Variants in SLC4A7 observed in about 807,000 individuals in gnomAD.
SLC4A7 encodes solute carrier family 4 member 7.
Under a neutral mutation model 137.6 loss-of-function variants are expected in SLC4A7, and 51 were observed. That is an observed-to-expected ratio of 0.37 (90% CI 0.30 to 0.47). The LOEUF is 0.47. Ranked by LOEUF, SLC4A7 falls within the 20% of genes least tolerant of loss-of-function variation. The pLI, the probability that SLC4A7 is intolerant of heterozygous loss-of-function variation, is 1.00. For synonymous variants in SLC4A7, 542 were observed against 518.6 expected (o/e 1.05, Z -0.61); for missense variants, 1,247 against 1,525.4 (o/e 0.82, Z 3.04).
At chr3:27,463,249 A>C (rs2058793573) in intron 1 of SLC4A7, among the ~76,000 whole-genome samples, 1 of 152,204 alleles carries the variant, frequency 6.6e-6, no homozygotes, top group Non-Finnish European at 1.5e-5. Context: ...AACACGGTGA[A>C]ACCCCGTCTC....
chr3:27,468,005 T>G (rs746352230), intron 1 of SLC4A7, among the ~76,000 whole-genome samples: 1 of 152,176 alleles, frequency 6.6e-6, no homozygotes, highest in Non-Finnish European at 1.5e-5. Context: ...TATATGTAAA[T>G]AAAATCCTCT....
chr3:27,398,518 A>T (rs1003861515), intron 16 of SLC4A7, among the ~76,000 whole-genome samples, 165 bp from the exon 17 acceptor site: 1 of 152,222 alleles, frequency 6.6e-6, no homozygotes, highest in African/African-American at 2.4e-5. Flanking sequence ...ACACACTAAC[A>T]ACTAATTGTA....
At chr3:27,446,083 G>C (rs2057604523) in intron 3 of SLC4A7, among the ~76,000 whole-genome samples, 1 of 146,688 alleles carries the variant, frequency 6.8e-6, no homozygotes, top group Admixed American at 6.9e-5. Context: ...TTAAGGATGT[G>C]TTAATTAACT....
chr3:27,401,006 A>T (rs1174509207), intron 15 of SLC4A7, 137 bp from the exon 16 acceptor site: 2 of 518,968 alleles, frequency 3.9e-6, no homozygotes, highest in Non-Finnish European at 6.8e-6. Context: ...GAAAGTGGAA[A>T]ATACATCAGA....
chr3:27,468,755 A>AT (rs1234039850), intron 1 of SLC4A7, among the ~76,000 whole-genome samples: 3 of 152,158 alleles, frequency 2.0e-5, no homozygotes, highest in Non-Finnish European at 4.4e-5. Flanking sequence ...AAATTAAACA[A>AT]GATGTTGCAT....
chr3:27,481,398 T>G (rs1376833454), intron 1 of SLC4A7, among the ~76,000 whole-genome samples: 2 of 151,852 alleles, frequency 1.3e-5, no homozygotes, highest in Non-Finnish European at 2.9e-5. Context: ...CACCAATCTA[T>G]TCAACATTTT....
At chr3:27,466,407 G>A (rs1428627414) in intron 1 of SLC4A7, among the ~76,000 whole-genome samples, 1 of 149,362 alleles carries the variant, frequency 6.7e-6, no homozygotes, top group East Asian at 2.0e-4. Flanking sequence ...AGCCGAGATC[G>A]CGCCACTGCA....
chr3:27,436,455 T>A lies in SLC4A7; in HGVS notation c.522A>T (p.Leu174=), dbSNP rs1243590676. Reference sequence around the variant, plus strand: ...CTGTTCCATTGAGGATGCAACTCCTTAGTTCAAAAAGACTGTGCAAAGAGA... The same window carrying A: ...CTGTTCCATTGAGGATGCAACTCCTAAGTTCAAAAAGACTGTGCAAAGAGA... ...ATLSLHSLFE[L]RSCILNGTVM... is the part of the protein sequence containing the mutation. Residue 174 remains leucine, a synonymous_variant, in exon 5 of 26, where the codon CTA becomes CTT. Transcript: ENST00000454389. 1.2e-6 allele frequency: 2 copies of A among 1,613,726 alleles called. No homozygotes were observed. Among genetic ancestry groups the A allele is most frequent in the Middle Eastern group, 1.7e-4 (1 of 6,060 alleles).
At position 27,444,227 on chromosome 3, in the gene SLC4A7, G is replaced by A. The variant is rs149384529; in HGVS notation, c.289+4424C>T. On this transcript the variant is annotated intron_variant, in intron 3 of 25. Transcript: ENST00000454389. ...TTTTATCATGTATTCTGCACCTGTT[G>A]TTATATGCATACACATTCAGGCTTA... is the stretch of plus-strand genomic sequence containing the variant. Among the ~76,000 whole-genome samples the A allele has an allele frequency of 2.6e-3, 402 of 152,186 alleles. 1 individual carries two copies. The highest frequency in any genetic ancestry group is 9.3e-3 in the African/African-American group (386 of 41,508).
intron 13 of SLC4A7, among the ~76,000 whole-genome samples, chr3:27,405,238 C>G (rs573478416): frequency 6.6e-6 from 1 of 152,204 alleles, no homozygotes; most frequent in South Asian, 2.1e-4. Context: ...ATCCAAAACT[C>G]CACACTCCAA....
chr3:27,424,890 A>T (rs1359175866), intron 7 of SLC4A7, among the ~76,000 whole-genome samples: 3 of 152,238 alleles, frequency 2.0e-5, no homozygotes, highest in African/African-American at 4.8e-5. Flanking sequence ...TCATAAAAAT[A>T]GCTTATTTGG....
At chr3:27,420,170 AAAAAG>A (rs1407071683) in intron 10 of SLC4A7, among the ~76,000 whole-genome samples, 8 of 152,224 alleles carry the variant, frequency 5.3e-5, no homozygotes, top group East Asian at 1.9e-4. Context: ...TCTCAAAAAA[AAAAAG>A]AAAAGAAAAG....
In SLC4A7 at chr3:27,409,434, A is replaced by T; in HGVS notation, c.1863T>A (p.Ile621=). Residue 621 remains isoleucine (I), a synonymous_variant, in exon 13 of 26, where the codon ATT becomes ATA. Coordinates refer to ENST00000454389, the MANE Select transcript of SLC4A7 (RefSeq NM_001321103.2). ...ACATACAGGCACAGTATAGGAAAAG[A>T]ATCGAGGCCAGGCACTGCAGGCTTA... The part of the protein sequence containing the change: ...DALSLQCLAS[I]LFLYCACMSP... The T allele has an allele frequency of 6.2e-7, 1 of 1,613,980 alleles. No homozygotes were observed. Among genetic ancestry groups the T allele is most frequent in the East Asian group, 2.2e-5 (1 of 44,874 alleles).
intron 11 of SLC4A7, among the ~76,000 whole-genome samples, chr3:27,415,284 C>G (rs2054276298): frequency 6.6e-6 from 1 of 152,152 alleles, no homozygotes; most frequent in Non-Finnish European, 1.5e-5. Flanking sequence ...AGGAACAATG[C>G]ACTGATGGGA....
At chr3:27,432,411 AG>A (rs1226349616) in intron 6 of SLC4A7, among the ~76,000 whole-genome samples, 1 of 152,186 alleles carries the variant, frequency 6.6e-6, no homozygotes, top group African/African-American at 2.4e-5. Context: ...TTATTTCACT[AG>A]CTAAGAATAA....
At chr3:27,395,929 T>A (rs1434438592) in intron 18 of SLC4A7, among the ~76,000 whole-genome samples, 1 of 152,136 alleles carries the variant, frequency 6.6e-6, no homozygotes, top group Non-Finnish European at 1.5e-5. Context: ...TGGTCCACAA[T>A]ACATGGTATT....
intron 1 of SLC4A7, among the ~76,000 whole-genome samples, chr3:27,466,043 T>C (rs922458012): frequency 6.6e-6 from 1 of 151,948 alleles, no homozygotes; most frequent in African/African-American, 2.4e-5. Context: ...TTAAGTTCCT[T>C]TACAGATGGG....
At chr3:27,438,641 CAT>C (rs1486004622) in intron 3 of SLC4A7, among the ~76,000 whole-genome samples, 1 of 147,782 alleles carries the variant, frequency 6.8e-6, no homozygotes, top group South Asian at 2.2e-4. Context: ...CATAAAATAA[CAT>C]AAAACAAAAT....
chr3:27,429,184 T>C (rs931798570), intron 7 of SLC4A7, among the ~76,000 whole-genome samples: 5 of 152,026 alleles, frequency 3.3e-5, no homozygotes, highest in Admixed American at 6.6e-5. Context: ...GAGAATCACT[T>C]GAACCCGGGA....
Sources: allele counts gnomAD v4.1 joint callset (sites outside exome capture counted in the v4.1 genomes callset), GRCh38; gene constraint gnomAD v4.1.1; transcripts MANE v1.5; gene names NCBI Gene and HGNC (gene_info 2026-07-23, HGNC 2026-07-21).